KCNAB1: variants seen among roughly 807,000 people sequenced by gnomAD.
KCNAB1 encodes voltage-gated potassium channel subunit beta-1.
A neutral mutation model predicts 64.6 loss-of-function variants in KCNAB1; 35 were observed. The observed-to-expected ratio is 0.54, with a 90% CI of 0.41 to 0.72. KCNAB1 has a LOEUF of 0.72. KCNAB1 is among the 30% of genes least tolerant of loss of function. The pLI, the probability that KCNAB1 is intolerant of heterozygous loss-of-function variation, is 0.00. For missense variants in KCNAB1, 401 were observed against 512.9 expected (o/e 0.78, Z 2.11); for synonymous variants, 177 against 183.8 (o/e 0.96, Z 0.30).
rs139810354 is a variant in KCNAB1, at chr3:156,141,555, C to T, written c.275+20669C>T. On this transcript the variant is annotated intron_variant, in intron 1 of 13. Transcript: ENST00000490337. ...AGCTTTTTTTTTTTCCCACACTCAGCGTAAGCCTCTCGAGATTTATTCAAC... is the reference window on the plus strand; with the variant it reads ...AGCTTTTTTTTTTTCCCACACTCAGTGTAAGCCTCTCGAGATTTATTCAAC... Among the ~76,000 whole-genome samples, 594 of 151,950 alleles carry T rather than the reference C, an allele frequency of 3.9e-3. 2 individuals are homozygous for T. The highest frequency in any genetic ancestry group is 0.013 in the African/African-American group (559 of 41,448).
chr3:156,139,263 A>T (rs1051904509), intron 1 of KCNAB1, among the ~76,000 whole-genome samples: 2 of 152,244 alleles, frequency 1.3e-5, no homozygotes, highest in Admixed American at 6.5e-5. Context: ...TTATGAAAAG[A>T]AACTTCAGTT....
intron 1 of KCNAB1, among the ~76,000 whole-genome samples, chr3:156,216,670 C>T (rs1715340871): frequency 6.6e-6 from 1 of 152,170 alleles, no homozygotes; most frequent in Non-Finnish European, 1.5e-5. Flanking sequence ...GCAAGAGGAA[C>T]ATTCAGTAGT....
intron 2 of KCNAB1, 99 bp downstream of exon 2, chr3:156,421,758 A>G: frequency 9.8e-7 from 1 of 1,015,418 alleles, no homozygotes; most frequent in Non-Finnish European, 1.5e-6. Flanking sequence ...CTGGTCTCAG[A>G]TGAGGAGGAG....
At chr3:156,160,642 C>T (rs1055080691) in intron 1 of KCNAB1, among the ~76,000 whole-genome samples, 1 of 152,174 alleles carries the variant, frequency 6.6e-6, no homozygotes, top group Non-Finnish European at 1.5e-5. Flanking sequence ...TCTGGAAGAT[C>T]TGTGCATAGG....
intron 12 of KCNAB1, among the ~76,000 whole-genome samples, chr3:156,527,759 A>G (rs1718424179): frequency 1.3e-5 from 2 of 152,240 alleles, no homozygotes; most frequent in African/African-American, 2.4e-5. Context: ...CAAAAGGGAA[A>G]TTATTTCCAG....
chr3:156,402,706 A>G (rs1318042946), intron 1 of KCNAB1, among the ~76,000 whole-genome samples: 1 of 152,232 alleles, frequency 6.6e-6, no homozygotes, highest in African/African-American at 2.4e-5. Flanking sequence ...GTAAAATGCC[A>G]TGAAGGAAGG....
chr3:156,149,653 T>C (rs934182143), intron 1 of KCNAB1, among the ~76,000 whole-genome samples: 5 of 152,044 alleles, frequency 3.3e-5, no homozygotes, highest in Non-Finnish European at 7.4e-5. Context: ...ATCTACAAAA[T>C]GAAGCTGAAA....
intron 8 of KCNAB1, among the ~76,000 whole-genome samples, chr3:156,498,457 A>C (rs1249879704): frequency 1.3e-5 from 2 of 152,132 alleles, no homozygotes; most frequent in African/African-American, 4.8e-5. Flanking sequence ...TAATGGTTTT[A>C]AATACAGGAG....
chr3:156,457,622 T>C (rs879328525), intron 4 of KCNAB1, 90 bp downstream of exon 4: 1 of 1,115,486 alleles, frequency 9.0e-7, no homozygotes, highest in Admixed American at 1.7e-5. Context: ...GGTGAAAAGG[T>C]TCTGTCCTTT....
At chr3:156,501,831 G>A (rs1351539699) in intron 8 of KCNAB1, among the ~76,000 whole-genome samples, 2 of 152,192 alleles carry the variant, frequency 1.3e-5, no homozygotes, top group African/African-American at 2.4e-5. Context: ...GGGACTTACA[G>A]TTCCACATGG....
At chr3:156,176,788 G>C (rs1318967286) in intron 1 of KCNAB1, 22 of 867,756 alleles carry the variant, frequency 2.5e-5, no homozygotes, top group Non-Finnish European at 3.2e-5. Flanking sequence ...AAAGCTCCTG[G>C]CGTCGCCTGC....
intron 1 of KCNAB1, among the ~76,000 whole-genome samples, chr3:156,240,648 C>T (rs771371402): frequency 1.7e-4 from 26 of 152,124 alleles, no homozygotes; most frequent in African/African-American, 3.4e-4. Context: ...CCATCCTATC[C>T]GCTTCTCCTC....
intron 8 of KCNAB1, among the ~76,000 whole-genome samples, chr3:156,475,956 T>C (rs185508509): frequency 1.3e-5 from 2 of 152,288 alleles, no homozygotes; most frequent in Admixed American, 1.3e-4. Context: ...CTTTCTTGAA[T>C]CCGGGTAAAA....
chr3:156,349,925 T>C (rs999072691), intron 1 of KCNAB1, among the ~76,000 whole-genome samples: 2 of 152,202 alleles, frequency 1.3e-5, no homozygotes, highest in African/African-American at 4.8e-5. Context: ...TAATTCCTTT[T>C]TCTTATTTCC....
chr3:156,345,689 T>C (rs1181746290), intron 1 of KCNAB1, among the ~76,000 whole-genome samples: 1 of 152,212 alleles, frequency 6.6e-6, no homozygotes, highest in Non-Finnish European at 1.5e-5. Context: ...TGGGGACAGC[T>C]TGAGGCAGAA....
intron 1 of KCNAB1, among the ~76,000 whole-genome samples, chr3:156,163,043 G>T (rs1328198144): frequency 2.0e-5 from 3 of 152,294 alleles, no homozygotes; most frequent in South Asian, 4.1e-4. Context: ...TTTAGGTGTG[G>T]TTTACTGAAC....
At chr3:156,312,727 A>AAAAAAAAAAAAC (rs1560189796) in intron 1 of KCNAB1, among the ~76,000 whole-genome samples, 2 of 150,932 alleles carry the variant, frequency 1.3e-5, no homozygotes. Flanking sequence ...AAAAAAAAAA[A>AAAAAAAAAAAAC]AAAACTCATA....
intron 2 of KCNAB1, among the ~76,000 whole-genome samples, chr3:156,438,518 T>C (rs1217158643): frequency 6.6e-6 from 1 of 152,244 alleles, no homozygotes; most frequent in Non-Finnish European, 1.5e-5. Context: ...TACATTCCAA[T>C]GTCGACTGTG....
At chr3:156,386,652 C>G (rs1402370492) in intron 1 of KCNAB1, among the ~76,000 whole-genome samples, 2 of 152,142 alleles carry the variant, frequency 1.3e-5, no homozygotes, top group African/African-American at 4.8e-5. Context: ...TCATGCCTGT[C>G]TAACTACCTG....
Sources: allele counts gnomAD v4.1 joint callset (sites outside exome capture counted in the v4.1 genomes callset), GRCh38; gene constraint gnomAD v4.1.1; transcripts MANE v1.5; gene names NCBI Gene and HGNC (gene_info 2026-07-23, HGNC 2026-07-21).